Variants in SLC8A3 observed in about 807,000 individuals in gnomAD.
The protein encoded by SLC8A3 is sodium/calcium exchanger 3.
SLC8A3 carries 37 observed loss-of-function variants against 65.4 expected under a neutral mutation model. The ratio of observed to expected loss-of-function variants is 0.57; its 90% CI spans 0.44 to 0.74. The LOEUF (loss-of-function observed/expected upper bound fraction) is 0.74, where lower values mean the gene tolerates loss of function less well. SLC8A3 is among the 30% of genes least tolerant of loss of function. SLC8A3 has a pLI of 0.00. For missense variants in SLC8A3, 1,112 were observed against 1,172.1 expected (o/e 0.95, Z 0.75); for synonymous variants, 461 against 444.5 (o/e 1.04, Z -0.47).
intron 4 of SLC8A3, among the ~76,000 whole-genome samples, chr14:70,051,771 A>T (rs924655545): frequency 1.3e-5 from 2 of 152,172 alleles, no homozygotes; most frequent in Non-Finnish European, 2.9e-5. Context: ...CTTATTTCAC[A>T]TTCTATATTA....
chr14:70,187,632 TG>T (rs1473210141), intron 1 of SLC8A3, among the ~76,000 whole-genome samples: 2,307 of 147,682 alleles, frequency 0.016, 72 homozygotes, highest in African/African-American at 0.051. Context: ...TGTGTGTGTG[TG>T]TGTGTGTCCG....
At chr14:70,169,026 A>G (rs1252799644) in intron 1 of SLC8A3, among the ~76,000 whole-genome samples, 1 of 152,220 alleles carries the variant, frequency 6.6e-6, no homozygotes. Flanking sequence ...GGATTATACC[A>G]AGTGACTGTC....
chr14:70,150,890 G>A (rs1008495143), intron 2 of SLC8A3, among the ~76,000 whole-genome samples: 2 of 152,170 alleles, frequency 1.3e-5, no homozygotes. Context: ...CATCGAAAAG[G>A]TCAAAAAGCA....
rs1405708870 is a variant in SLC8A3, at chr14:70,188,690, C to T, written c.-374G>A. The T allele has an allele frequency of 6.6e-6, 1 of 152,174 alleles. No individual in the cohort carries two copies. Among genetic ancestry groups the T allele is most frequent in the Non-Finnish European group, 1.5e-5 (1 of 68,050 alleles). 9.4% of individuals were successfully genotyped at this position (152,174 alleles called of 1,614,324 possible). A position where few individuals can be genotyped will look rare whatever the true frequency, so the allele number is the denominator to read the frequency against. ...CGCACGGATTTCAGAAAGAGGGAAA[C>T]CCCGACCCAGAGCGGTGACTGGAAT... On this transcript the variant is annotated 5_prime_UTR_variant, in exon 1 of 7. Transcript: ENST00000356921.
At chr14:70,093,414 G>A (rs1447120015) in intron 2 of SLC8A3, among the ~76,000 whole-genome samples, 1 of 152,210 alleles carries the variant, frequency 6.6e-6, no homozygotes, top group African/African-American at 2.4e-5. Flanking sequence ...TGGGAAAGCA[G>A]CTTCACTTCT....
intron 2 of SLC8A3, among the ~76,000 whole-genome samples, chr14:70,062,638 A>G (rs1888938114): frequency 6.6e-6 from 1 of 152,200 alleles, no homozygotes. Flanking sequence ...CTTCCTCAGA[A>G]TGTATCCTTA....
intron 2 of SLC8A3, among the ~76,000 whole-genome samples, chr14:70,067,081 C>T (rs1025540863): frequency 6.6e-6 from 1 of 152,126 alleles, no homozygotes; most frequent in African/African-American, 2.4e-5. Context: ...TTCATAACGT[C>T]CTCCCCTTGC....
chr14:70,080,836 T>C (rs1264095914), intron 2 of SLC8A3, among the ~76,000 whole-genome samples: 2 of 152,194 alleles, frequency 1.3e-5, no homozygotes, highest in African/African-American at 2.4e-5. Context: ...GATCCAGTGT[T>C]CCTAAAATGG....
At position 70,046,377 on chromosome 14, in the gene SLC8A3, C is replaced by T; in HGVS notation, c.2390-54G>A. The T allele has an allele frequency of 6.5e-7, 1 of 1,527,548 alleles. No individual in the cohort carries two copies. Among genetic ancestry groups the T allele is most frequent in the Non-Finnish European group, 8.8e-7 (1 of 1,135,090 alleles). 94.6% of individuals were successfully genotyped at this position (1,527,548 alleles called of 1,614,324 possible). ...TGGTAGGAGGCTAAGGTGTGCAGGG[C>T]TTGTCTTCCAGTATGCCCAAAAAGC... is the stretch of plus-strand genomic sequence containing the variant. On this transcript the variant is annotated intron_variant, in intron 6 of 6. Coordinates refer to ENST00000356921, the MANE Select transcript of SLC8A3 (RefSeq NM_182932.3). The surrounding 1 kb of genome is among the most constrained non-coding windows in gnomAD (Gnocchi z 4.2).
intron 1 of SLC8A3, among the ~76,000 whole-genome samples, chr14:70,182,867 T>TGC (rs1882873892): frequency 6.6e-6 from 1 of 152,144 alleles, no homozygotes; most frequent in African/African-American, 2.4e-5. Flanking sequence ...ACTGGGGCAG[T>TGC]TTACCAAAGT....
chr14:70,183,587 A>T (rs1882940568), intron 1 of SLC8A3, among the ~76,000 whole-genome samples: 1 of 152,218 alleles, frequency 6.6e-6, no homozygotes, highest in South Asian at 2.1e-4. Flanking sequence ...CCCAGTGTTG[A>T]GTTTAGAGGG....
At chr14:70,178,656 C>T (rs924313128) in intron 1 of SLC8A3, among the ~76,000 whole-genome samples, 3 of 152,138 alleles carry the variant, frequency 2.0e-5, no homozygotes, top group Admixed American at 2.0e-4. Context: ...GATTCATGAA[C>T]GAAAGTATTG....
At chr14:70,089,260 G>C (rs530896237) in intron 2 of SLC8A3, among the ~76,000 whole-genome samples, 12 of 152,138 alleles carry the variant, frequency 7.9e-5, no homozygotes, top group African/African-American at 2.9e-4. Flanking sequence ...ACTGATTTGG[G>C]GAGCCTCCCA....
chr14:70,049,177 G>C, intron 5 of SLC8A3, 135 bp from the exon 6 acceptor site: 1 of 851,994 alleles, frequency 1.2e-6, no homozygotes, highest in Non-Finnish European at 1.8e-6. Flanking sequence ...CAGCTGGTGG[G>C]GGCCAGGGCC....
At chr14:70,080,065 C>G in intron 2 of SLC8A3, 1 of 984,312 alleles carries the variant, frequency 1.0e-6, no homozygotes, top group Non-Finnish European at 1.2e-6. Context: ...GCAGGCTCAG[C>G]AAGTGATGGT....
Position 70,141,431 on chromosome 14 carries a change from G to A in SLC8A3, c.1784+25208C>T, listed in dbSNP as rs570305635. Among the ~76,000 whole-genome samples, 193 of 152,290 alleles carry A rather than the reference G, an allele frequency of 1.3e-3. 2 individuals carry two copies. Among genetic ancestry groups the A allele is most frequent in the African/African-American group, 4.5e-3 (185 of 41,568 alleles). On this transcript the variant is annotated intron_variant, in intron 2 of 6. Coordinates refer to ENST00000356921, the MANE Select transcript of SLC8A3 (RefSeq NM_182932.3). Reference sequence around the variant, plus strand: ...AGATTCACATGCTTGAAATTTGCAGGTTAGGTGACTTGCTGAAGTGTATGT... The same window carrying A: ...AGATTCACATGCTTGAAATTTGCAGATTAGGTGACTTGCTGAAGTGTATGT...
intron 2 of SLC8A3, among the ~76,000 whole-genome samples, chr14:70,103,777 C>T (rs150342010): frequency 8.8e-4 from 134 of 151,892 alleles, no homozygotes; most frequent in Non-Finnish European, 1.2e-3. Flanking sequence ...AATAACAAGA[C>T]GGTAGATTTA....
intron 2 of SLC8A3, among the ~76,000 whole-genome samples, chr14:70,119,747 C>T (rs1323471171): frequency 2.0e-5 from 3 of 152,206 alleles, no homozygotes; most frequent in African/African-American, 4.8e-5. Flanking sequence ...ACTTTTTCAT[C>T]TATACGTTAA....
intron 1 of SLC8A3, among the ~76,000 whole-genome samples, chr14:70,184,970 T>TC (rs1178746754): frequency 6.8e-6 from 1 of 147,972 alleles, no homozygotes; most frequent in Non-Finnish European, 1.5e-5. Flanking sequence ...TCTTTTCTTT[T>TC]TTTTTTTTTT....
Sources: gnomAD v4.1 joint callset for allele counts (sites outside exome capture counted in the v4.1 genomes callset) on GRCh38, gnomAD v4.1.1 for gene constraint, Gnocchi (gnomAD v3.1) non-coding constraint, MANE v1.5 for transcripts, NCBI Gene and HGNC (gene_info 2026-07-23, HGNC 2026-07-21) for gene names.